The following ATXN7L1 variants were observed in gnomAD, a reference collection of about 807,000 sequenced individuals.
ATXN7L1 encodes the protein ataxin-7-like protein 1.
Under a neutral mutation model 70.8 loss-of-function variants are expected in ATXN7L1, and 15 were observed. The ratio of observed to expected loss-of-function variants is 0.21; its 90% CI spans 0.14 to 0.33. The LOEUF is 0.33. Ranked by LOEUF, ATXN7L1 falls within the 10% of genes least tolerant of loss-of-function variation. The pLI, the probability that ATXN7L1 is intolerant of heterozygous loss-of-function variation, is 1.00. For synonymous variants in ATXN7L1, 440 were observed against 445.1 expected, an observed-to-expected ratio of 0.99 and a Z score of 0.14; for missense variants, 975 against 1,097.1, an observed-to-expected ratio of 0.89 and a Z score of 1.57.
intron 2 of ATXN7L1, among the ~76,000 whole-genome samples, chr7:105,839,296 T>TG (rs1563134573): frequency 2.0e-5 from 3 of 151,834 alleles, no homozygotes; most frequent in African/African-American, 7.3e-5. Context: ...ACATGGAAGA[T>TG]GGTTGCCTGA....
Position 105,642,960 on chromosome 7 carries a change from G to A in ATXN7L1, c.740C>T (p.Ser247Phe), listed in dbSNP as rs1798482557. 2 of 1,551,768 alleles carry A rather than the reference G, an allele frequency of 1.3e-6. No individual in the cohort carries two copies. The highest frequency in any genetic ancestry group is 1.7e-6 in the Non-Finnish European group (2 of 1,147,028). Residue 247 changes from serine to phenylalanine, a missense_variant, in exon 5 of 12, where the codon TCC (serine) becomes TTC (phenylalanine). By Grantham distance (155) the Ser-to-Phe change is radical. Around this residue, in one of 5 missense-constraint regions of ATXN7L1, gnomAD observed 192 missense variants for 215.5 expected, o/e 0.89. Transcript: ENST00000419735. ...CTCTGGTGAAGGTGGCACTGACTTG[G>A]ACATCAGGACAGGCTTAATTAAAGG... ...TPPLIKPVLMSKSVPPSPEKI... is the reference protein window; with the variant it reads ...TPPLIKPVLMFKSVPPSPEKI...
intron 3 of ATXN7L1, among the ~76,000 whole-genome samples, chr7:105,674,913 C>T (rs1804386570): frequency 6.6e-6 from 1 of 152,070 alleles, no homozygotes; most frequent in Non-Finnish European, 1.5e-5. Flanking sequence ...CCTAGACTAG[C>T]TAAAAGGAAA....
intron 2 of ATXN7L1, among the ~76,000 whole-genome samples, chr7:105,820,390 G>C (rs1405185076): frequency 8.5e-5 from 13 of 152,128 alleles, no homozygotes. Context: ...CTGTGGGATG[G>C]GTATGAGGTG....
intron 2 of ATXN7L1, among the ~76,000 whole-genome samples, chr7:105,837,802 C>T (rs551773271): frequency 2.0e-5 from 3 of 152,246 alleles, no homozygotes; most frequent in African/African-American, 4.8e-5. Flanking sequence ...ACTCACATGG[C>T]GAGCCCGATG....
chr7:105,691,585 T>C (rs2116198189), intron 3 of ATXN7L1: 1 of 146,590 alleles, frequency 6.8e-6, no homozygotes, highest in South Asian at 2.1e-4. Flanking sequence ...GCCAACTTAA[T>C]CTGATGCTAC....
chr7:105,655,149 C>T (rs186934288), intron 4 of ATXN7L1, among the ~76,000 whole-genome samples: 224 of 152,298 alleles, frequency 1.5e-3, no homozygotes, highest in African/African-American at 5.3e-3. Context: ...AGGTTGGCTG[C>T]ATTTACACCC....
chr7:105,833,765 A>G (rs1056239615), intron 2 of ATXN7L1, among the ~76,000 whole-genome samples: 2 of 152,198 alleles, frequency 1.3e-5, no homozygotes, highest in African/African-American at 4.8e-5. Flanking sequence ...GATGCCTGAA[A>G]TTTACTTTAA....
At chr7:105,660,751 T>C (rs753767407) in intron 4 of ATXN7L1, among the ~76,000 whole-genome samples, 1 of 151,810 alleles carries the variant, frequency 6.6e-6, no homozygotes, top group Non-Finnish European at 1.5e-5. Context: ...CCCAGCTAAT[T>C]TTTGAATTTT....
At chr7:105,619,013 A>G (rs952860102) in intron 9 of ATXN7L1, among the ~76,000 whole-genome samples, 5 of 152,248 alleles carry the variant, frequency 3.3e-5, no homozygotes, top group Admixed American at 2.0e-4. Flanking sequence ...GGAAGGGCCA[A>G]AGACAAACTT....
chr7:105,721,531 C>G (rs544632312), intron 3 of ATXN7L1, among the ~76,000 whole-genome samples: 1 of 152,232 alleles, frequency 6.6e-6, no homozygotes, highest in East Asian at 1.9e-4. Context: ...CAGATGCTCA[C>G]AGCCACGCCT....
In ATXN7L1 at chr7:105,727,744, G is replaced by GTATATATATATATATATATATA. The variant is rs1205624280; in HGVS notation, c.355+60859_355+60860insTATATATATATATATATATATA. Among the ~76,000 whole-genome samples, 4 of 31,706 alleles carry GTATATATATATATATATATATA rather than the reference G, an allele frequency of 1.3e-4. No homozygotes were observed. The East Asian group carries it at 4.3e-3, about 34-fold the overall frequency. 20.8% of individuals were successfully genotyped at this position (31,706 alleles called of 152,430 possible). A position where few individuals can be genotyped will look rare whatever the true frequency, so the allele number is the denominator to read the frequency against. On this transcript the variant is annotated intron_variant, in intron 3 of 11. Transcript: ENST00000419735. Reference sequence around the variant, plus strand: ...TCCATAGGGGTGTGTGTGTGTATGTGTGTATATATATATATATATATATAT... The same window carrying GTATATATATATATATATATATA: ...TCCATAGGGGTGTGTGTGTGTATGTGTATATATATATATATATATATATGTATATATATATATATATATATAT...
chr7:105,626,340 T>G (rs939394815), intron 7 of ATXN7L1, among the ~76,000 whole-genome samples: 6 of 152,090 alleles, frequency 3.9e-5, no homozygotes, highest in African/African-American at 1.4e-4. Flanking sequence ...AGAACAAGAG[T>G]TATCAGGAGT....
intron 3 of ATXN7L1, among the ~76,000 whole-genome samples, chr7:105,771,881 GA>G (rs1233123484): frequency 6.6e-6 from 1 of 152,116 alleles, no homozygotes; most frequent in South Asian, 2.1e-4. Flanking sequence ...GAAAAATGGG[GA>G]CAGGTTAAGG....
chr7:105,665,692 G>A (rs1479047192), intron 3 of ATXN7L1, among the ~76,000 whole-genome samples: 3 of 152,184 alleles, frequency 2.0e-5, no homozygotes, highest in Non-Finnish European at 4.4e-5. Flanking sequence ...AGTGGACAGG[G>A]CAGGACTCTT....
At chr7:105,610,727 C>T (rs1398968506) in intron 10 of ATXN7L1, 124 bp from the exon 11 acceptor site, 10 of 801,232 alleles carry the variant, frequency 1.2e-5, no homozygotes, top group Admixed American at 2.6e-5. Context: ...CAGATTGGCT[C>T]GGAACTGGTG....
intron 10 of ATXN7L1, 46 bp downstream of exon 10, chr7:105,613,816 C>T: frequency 1.9e-6 from 3 of 1,551,614 alleles, no homozygotes; most frequent in East Asian, 2.4e-5. Context: ...GCCCAGCTCC[C>T]CCTGCCCCCC....
At chr7:105,843,944 C>T (rs1218582908) in intron 2 of ATXN7L1, among the ~76,000 whole-genome samples, 1 of 152,192 alleles carries the variant, frequency 6.6e-6, no homozygotes, top group Non-Finnish European at 1.5e-5. Context: ...TTTTCCCTTA[C>T]AATCAGATGT....
At chr7:105,690,302 G>A (rs1336608210) in intron 3 of ATXN7L1, among the ~76,000 whole-genome samples, 1 of 152,034 alleles carries the variant, frequency 6.6e-6, no homozygotes, top group Non-Finnish European at 1.5e-5. Flanking sequence ...ACCGCGCCCA[G>A]CAAAAAAAAG....
At chr7:105,838,173 C>G (rs899674106) in intron 2 of ATXN7L1, among the ~76,000 whole-genome samples, 1 of 152,184 alleles carries the variant, frequency 6.6e-6, no homozygotes. Flanking sequence ...GACAAGAAAA[C>G]GACACAGGCC....
Sources: allele counts gnomAD v4.1 joint callset (sites outside exome capture counted in the v4.1 genomes callset), GRCh38; gene constraint gnomAD v4.1.1; regional missense constraint gnomAD v4.1.1; transcripts MANE v1.5; gene names NCBI Gene and HGNC (gene_info 2026-07-23, HGNC 2026-07-21).